The following LIPJ variants were observed in gnomAD, a reference collection of about 807,000 sequenced individuals.
The protein encoded by LIPJ is lipase family member J, also known as lipase member J.
Under a neutral mutation model 39.8 loss-of-function variants are expected in LIPJ, and 33 were observed. That is an observed-to-expected ratio of 0.83 (90% CI 0.63 to 1.11). The LOEUF (loss-of-function observed/expected upper bound fraction) is 1.11, where lower values mean the gene tolerates loss of function less well. Ranked by LOEUF, LIPJ falls within the 50% of genes least tolerant of loss-of-function variation. The probability of loss-of-function intolerance (pLI) is 0.00; values close to 1 mark genes in which losing one functional copy is unlikely to be tolerated. For missense variants in LIPJ, 422 were observed against 427.9 expected (o/e 0.99, Z 0.12); for synonymous variants, 128 against 139.2 (o/e 0.92, Z 0.57).
chr10:88,608,307 A>G (rs187156654), downstream of LIPJ, among the ~76,000 whole-genome samples: 15 of 152,152 alleles, frequency 9.9e-5, no homozygotes, highest in Admixed American at 7.2e-4. Context: ...GTTACCACCT[A>G]CTCTGGTGGA....
At chr10:88,590,550 T>C in intron 2 of LIPJ, 35 bp from the exon 3 acceptor site, 2 of 651,598 alleles carry the variant, frequency 3.1e-6, no homozygotes, top group Non-Finnish European at 5.5e-6. Flanking sequence ...TTTGCTGCAA[T>C]TTTAACTGTA....
the LIPJ span, among the ~76,000 whole-genome samples, chr10:88,613,800 A>ATATATATGTGTGTGTGTGTGTG: frequency 1.3e-5 from 1 of 74,156 alleles, no homozygotes; most frequent in African/African-American, 4.8e-5. Flanking sequence ...ATATATATAT[A>ATATATATGTGTGTGTGTGTGTG]TGTGTGTGTG....
intron 4 of LIPJ, chr10:88,592,320 T>C (rs1456036202): frequency 6.6e-6 from 1 of 151,732 alleles, no homozygotes; most frequent in Non-Finnish European, 1.5e-5. Flanking sequence ...ATAGTAATTA[T>C]CCCCCAAGCT....
chr10:88,617,180 C>T, the LIPJ span, among the ~76,000 whole-genome samples: 4 of 152,082 alleles, frequency 2.6e-5, no homozygotes, highest in African/African-American at 9.7e-5. Flanking sequence ...TGATTCAAAG[C>T]CCGGCTGAGC....
At chr10:88,613,790 ATATATATATATGTGTGTGTGTGTG>A in the LIPJ span, among the ~76,000 whole-genome samples, 1 of 51,324 alleles carries the variant, frequency 1.9e-5, no homozygotes, top group African/African-American at 1.0e-4. Flanking sequence ...ATATATATAT[ATATATATATATGTGTGTGTGTGTG>A]TGTATATATA....
intron 2 of LIPJ, among the ~76,000 whole-genome samples, chr10:88,588,625 T>C (rs1214813540): frequency 6.6e-6 from 1 of 151,912 alleles, no homozygotes; most frequent in Non-Finnish European, 1.5e-5. Context: ...ATGGGATATT[T>C]GACAAGTATT....
chr10:88,594,378 C>T lies in LIPJ; in HGVS notation c.329+234C>T, dbSNP rs1441563181. ...TCTTACTTAGTACCTTACTGACCAACCCCATCCTTCCTTTAACTACTCTTC... is the reference window on the plus strand; with the variant it reads ...TCTTACTTAGTACCTTACTGACCAATCCCATCCTTCCTTTAACTACTCTTC... On this transcript the variant is annotated intron_variant, in intron 5 of 10. Coordinates refer to ENST00000371939, the Ensembl canonical transcript of LIPJ. 8.5e-5 allele frequency: 43 copies of T among 507,112 alleles called. 1 individual carries two copies. The South Asian group carries it at 8.9e-4, about 11-fold the overall frequency. The allele number at this position is 507,112 out of a possible 1,614,324, so 31.4% of individuals were successfully genotyped here.
At chr10:88,588,496 A>G (rs1028657712) in intron 2 of LIPJ, among the ~76,000 whole-genome samples, 3 of 151,888 alleles carry the variant, frequency 2.0e-5, no homozygotes, top group Admixed American at 2.0e-4. Flanking sequence ...TGCATTATGG[A>G]AAGTTTTCAT....
chr10:88,609,089 C>T (rs1447824215), downstream of LIPJ, among the ~76,000 whole-genome samples: 2 of 152,206 alleles, frequency 1.3e-5, no homozygotes, highest in Admixed American at 6.5e-5. Flanking sequence ...TAAATCTCTG[C>T]TTTTGCTGCT....
intron 8 of LIPJ, among the ~76,000 whole-genome samples, chr10:88,600,179 CTGTT>C (rs1319217836): frequency 3.9e-5 from 6 of 152,122 alleles, no homozygotes; most frequent in African/African-American, 1.4e-4. Context: ...CTGGGGTTCA[CTGTT>C]TGGGATACAC....
chr10:88,613,912 T>C, the LIPJ span, among the ~76,000 whole-genome samples: 2 of 148,408 alleles, frequency 1.3e-5, no homozygotes, highest in African/African-American at 2.5e-5. Flanking sequence ...TATAAAAATA[T>C]GTTAAAAATG....
chr10:88,613,800 A>ATATATATGTG, the LIPJ span, among the ~76,000 whole-genome samples: 43 of 74,168 alleles, frequency 5.8e-4, no homozygotes, highest in East Asian at 2.1e-3. Context: ...ATATATATAT[A>ATATATATGTG]TGTGTGTGTG....
In LIPJ at chr10:88,605,715, C is replaced by G; in HGVS notation, c.867+11C>G. ...GTTCATTATAATCAGGTACATAATT[C>G]TCTATAAAAACTCTCTACCTTACTG... On this transcript the variant is annotated intron_variant, in intron 10 of 10. Coordinates refer to ENST00000371939, the Ensembl canonical transcript of LIPJ. 1 of 1,579,924 alleles carries G rather than the reference C, an allele frequency of 6.3e-7. No individual in the cohort carries two copies. Among genetic ancestry groups the G allele is most frequent in the South Asian group, 1.1e-5 (1 of 90,110 alleles).
In LIPJ at chr10:88,591,512, G is replaced by A; in HGVS notation, c.130+14G>A. 2 of 1,589,292 alleles carry A rather than the reference G, an allele frequency of 1.3e-6. No individual in the cohort carries two copies. The highest frequency in any genetic ancestry group is 1.7e-6 in the Non-Finnish European group (2 of 1,169,044). On this transcript the variant is annotated intron_variant, in intron 4 of 10. Coordinates refer to ENST00000371939, the Ensembl canonical transcript of LIPJ. ...ATAAAAATCTAGGTAATATTCAATTGAAGATGGATTGGTGACAATCTGGGG... is the reference window on the plus strand; with the variant it reads ...ATAAAAATCTAGGTAATATTCAATTAAAGATGGATTGGTGACAATCTGGGG...
At chr10:88,590,989 A>T (rs758170326) in intron 3 of LIPJ, among the ~76,000 whole-genome samples, 71 of 151,868 alleles carry the variant, frequency 4.7e-4, no homozygotes, top group Non-Finnish European at 7.7e-4. Flanking sequence ...AATTTCAGAT[A>T]TAAGATTAGA....
chr10:88,594,189 A>T, intron 5 of LIPJ, 45 bp downstream of exon 5: 2 of 1,453,802 alleles, frequency 1.4e-6, no homozygotes, highest in Non-Finnish European at 1.9e-6. Flanking sequence ...AGTGTATACA[A>T]ATTTTTCATT....
chr10:88,605,544 T>C (rs2134585755), intron 9 of LIPJ, 89 bp from the exon 10 acceptor site: 1 of 825,232 alleles, frequency 1.2e-6, no homozygotes, highest in Non-Finnish European at 2.1e-6. Context: ...CCCAGTACAA[T>C]GGGGGTATAT....
intron 8 of LIPJ, among the ~76,000 whole-genome samples, chr10:88,601,255 C>A (rs151274852): frequency 1.3e-5 from 2 of 152,220 alleles, no homozygotes; most frequent in East Asian, 1.9e-4. Context: ...AGGGCAGAGC[C>A]TTTACAGCTC....
chr10:88,591,362 CT>C lies in LIPJ; in HGVS notation c.10-11del. On this transcript the variant is annotated splice_polypyrimidine_tract_variant and intron_variant, in intron 3 of 10. Coordinates refer to ENST00000371939, the Ensembl canonical transcript of LIPJ. ...TAACAATTTTATGCTAAAAGATTTG[CT>C]TTTTCTTTATCTAGAGCCAGATTAT... 6.4e-7 allele frequency: 1 copy of C among 1,569,078 alleles called. No individual in the cohort carries two copies. The highest frequency in any genetic ancestry group is 8.6e-7 in the Non-Finnish European group (1 of 1,160,802).
Sources: gnomAD v4.1 joint callset for allele counts (sites outside exome capture counted in the v4.1 genomes callset) on GRCh38, gnomAD v4.1.1 for gene constraint, MANE v1.5 for transcripts, NCBI Gene and HGNC (gene_info 2026-07-23, HGNC 2026-07-21) for gene names.